Variants in PDE1A observed in about 807,000 individuals in gnomAD.
PDE1A encodes dual specificity calcium/calmodulin-dependent 3',5'-cyclic nucleotide phosphodiesterase 1A.
In PDE1A, 35 loss-of-function variants were observed where a neutral mutation model predicts 61.7. The ratio of observed to expected loss-of-function variants is 0.57; its 90% CI spans 0.43 to 0.75. PDE1A has a LOEUF of 0.75. Among genes scored for constraint, PDE1A ranks in the 30% least tolerant of loss-of-function variants. The pLI, the probability that PDE1A is intolerant of heterozygous loss-of-function variation, is 0.00. For missense variants in PDE1A, 597 were observed against 630.6 expected (o/e 0.95, Z 0.57); for synonymous variants, 232 against 213.2 (o/e 1.09, Z -0.77).
chr2:182,426,517 T>A lies in PDE1A; in HGVS notation c.53+61A>T. ...AGTGGCAGAATCCCCAAATTAAGGA[T>A]GAAGGGAGAAACTATTGTTCCTGAC... On this transcript the variant is annotated intron_variant, in intron 1 of 13. Transcript: ENST00000351439. 2.6e-6 allele frequency: 3 copies of A among 1,168,802 alleles called. No homozygotes were observed. The South Asian group carries it at 3.7e-5, about 14-fold the overall frequency. The allele number at this position is 1,168,802 out of a possible 1,614,324, so 72.4% of individuals were successfully genotyped here. A position where few individuals can be genotyped will look rare whatever the true frequency, so the allele number is the denominator to read the frequency against.
chr2:182,425,048 A>T (rs1703523251), intron 1 of PDE1A, among the ~76,000 whole-genome samples: 1 of 152,226 alleles, frequency 6.6e-6, no homozygotes, highest in South Asian at 2.1e-4. Flanking sequence ...CCTTCCCCAT[A>T]GCACCTAAGC....
chr2:182,417,862 T>C (rs1299535098), intron 1 of PDE1A, among the ~76,000 whole-genome samples: 2 of 152,182 alleles, frequency 1.3e-5, no homozygotes. Context: ...TTTGTTTTTG[T>C]TTTTGTAAAC....
At chr2:182,340,651 A>C (rs1361265298) in intron 1 of PDE1A, among the ~76,000 whole-genome samples, 1 of 152,180 alleles carries the variant, frequency 6.6e-6, no homozygotes, top group African/African-American at 2.4e-5. Context: ...GTTATATATA[A>C]ATTAAATAGC....
intron 13 of PDE1A, among the ~76,000 whole-genome samples, chr2:182,184,489 T>C (rs1208091540): frequency 1.3e-5 from 2 of 152,142 alleles, no homozygotes; most frequent in Non-Finnish European, 2.9e-5. Flanking sequence ...AGTAAAATTA[T>C]TCATAAATAA....
At chr2:182,237,652 G>A (rs1439079323) in intron 3 of PDE1A, among the ~76,000 whole-genome samples, 1 of 152,142 alleles carries the variant, frequency 6.6e-6, no homozygotes, top group Non-Finnish European at 1.5e-5. Context: ...TTACAAACAG[G>A]GATAAGTGCT....
At chr2:182,545,165 G>A in the PDE1A span, among the ~76,000 whole-genome samples, 3 of 152,154 alleles carry the variant, frequency 2.0e-5, no homozygotes, top group Admixed American at 6.5e-5. Context: ...CAGACAGGAT[G>A]AAGGAAGAAA....
At chr2:182,570,575 T>C in the PDE1A span, among the ~76,000 whole-genome samples, 1 of 152,200 alleles carries the variant, frequency 6.6e-6, no homozygotes, top group African/African-American at 2.4e-5. Context: ...ATCTATGAAG[T>C]TGTTTCTTAG....
chr2:182,531,691 A>C, the PDE1A span, among the ~76,000 whole-genome samples: 2 of 152,172 alleles, frequency 1.3e-5, no homozygotes, highest in African/African-American at 4.8e-5. Flanking sequence ...ATAGTCATAT[A>C]ATCTAATATT....
the PDE1A span, among the ~76,000 whole-genome samples, chr2:182,532,626 G>A: frequency 6.6e-6 from 1 of 152,010 alleles, no homozygotes; most frequent in African/African-American, 2.4e-5. Flanking sequence ...TGCATCACCT[G>A]GTATGTTTAC....
At chr2:182,538,429 G>A in the PDE1A span, among the ~76,000 whole-genome samples, 1 of 152,138 alleles carries the variant, frequency 6.6e-6, no homozygotes, top group African/African-American at 2.4e-5. Context: ...TTATGAGAAG[G>A]AAGAAATACA....
intron 2 of PDE1A, among the ~76,000 whole-genome samples, chr2:182,473,574 A>C (rs1687170561): frequency 6.6e-6 from 1 of 151,814 alleles, no homozygotes; most frequent in Admixed American, 6.6e-5. Context: ...TGTTGTGTAC[A>C]TCATTTCATC....
intron 8 of PDE1A, among the ~76,000 whole-genome samples, chr2:182,203,879 T>C (rs1011218482): frequency 7.9e-5 from 12 of 151,958 alleles, no homozygotes; most frequent in African/African-American, 2.4e-4. Context: ...AGGTATTTTA[T>C]AGATTTTTGG....
chr2:182,235,294 C>A (rs1689922823), intron 3 of PDE1A, among the ~76,000 whole-genome samples: 1 of 152,142 alleles, frequency 6.6e-6, no homozygotes, highest in Admixed American at 6.5e-5. Context: ...CAGGCATGCG[C>A]CACCATGCCC....
At chr2:182,603,542 G>T in the PDE1A span, among the ~76,000 whole-genome samples, 1 of 152,134 alleles carries the variant, frequency 6.6e-6, no homozygotes, top group African/African-American at 2.4e-5. Context: ...TAGAGACAGG[G>T]TTTTGCCATG....
At chr2:182,626,635 C>G in the PDE1A span, among the ~76,000 whole-genome samples, 1 of 143,098 alleles carries the variant, frequency 7.0e-6, no homozygotes, top group African/African-American at 2.6e-5. Flanking sequence ...TTAGCAACAA[C>G]TTGTAGATCC....
exon 14 of PDE1A, chr2:182,168,049 G>T: frequency 1.6e-6 from 2 of 1,273,954 alleles, no homozygotes; most frequent in Non-Finnish European, 2.0e-6. Context: ...GAATCTGTTC[G>T]GTAGCAGTTG....
At chr2:182,408,364 C>G (rs1458123711) in intron 1 of PDE1A, among the ~76,000 whole-genome samples, 2 of 152,120 alleles carry the variant, frequency 1.3e-5, no homozygotes, top group African/African-American at 4.8e-5. Flanking sequence ...AAAAAGTTAG[C>G]TAACACCTCA....
the PDE1A span, among the ~76,000 whole-genome samples, chr2:182,577,992 G>GGGAC: frequency 2.7e-5 from 4 of 148,222 alleles, no homozygotes; most frequent in African/African-American, 7.6e-5. Context: ...AAGGAAGGAA[G>GGGAC]GGACGGAGGG....
intron 7 of PDE1A, among the ~76,000 whole-genome samples, chr2:182,218,360 G>A (rs1688413890): frequency 6.6e-6 from 1 of 151,392 alleles, no homozygotes; most frequent in Non-Finnish European, 1.5e-5. Context: ...CATGGCACAT[G>A]TATACATATG....
Sources: allele counts gnomAD v4.1 joint callset (sites outside exome capture counted in the v4.1 genomes callset), GRCh38; gene constraint gnomAD v4.1.1; transcripts MANE v1.5; gene names NCBI Gene and HGNC (gene_info 2026-07-23, HGNC 2026-07-21).